ZNF385D: variants seen among roughly 807,000 people sequenced by gnomAD.
ZNF385D encodes the protein zinc finger protein 385D.
ZNF385D carries 15 observed loss-of-function variants against 35.8 expected under a neutral mutation model. The ratio of observed to expected loss-of-function variants is 0.42; its 90% CI spans 0.28 to 0.64. The LOEUF (loss-of-function observed/expected upper bound fraction) is 0.64. Among genes scored for constraint, ZNF385D ranks in the 30% least tolerant of loss-of-function variants. ZNF385D has a pLI of 0.23. For missense variants in ZNF385D, 474 were observed against 494.6 expected (o/e 0.96, Z 0.39); for synonymous variants, 212 against 186.8 (o/e 1.13, Z -1.10).
intron 2 of ZNF385D, among the ~76,000 whole-genome samples, chr3:21,616,117 T>TAAG (rs2064839331): frequency 6.6e-6 from 1 of 152,032 alleles, no homozygotes; most frequent in Non-Finnish European, 1.5e-5. Flanking sequence ...ACCTTCCCCT[T>TAAG]AAGATTAAAA....
intron 2 of ZNF385D, among the ~76,000 whole-genome samples, chr3:22,336,928 AAAAAAAAAAC>A (rs1389173206): frequency 1.4e-4 from 21 of 146,638 alleles, no homozygotes; most frequent in African/African-American, 5.0e-4. Flanking sequence ...AAAAAAAAAA[AAAAAAAAAAC>A]CCTTACTGTT....
intron 2 of ZNF385D, among the ~76,000 whole-genome samples, chr3:22,308,781 T>G (rs563609557): frequency 1.3e-5 from 2 of 152,242 alleles, no homozygotes; most frequent in East Asian, 3.9e-4. Context: ...AACAATGACT[T>G]ACACTAACAT....
intron 3 of ZNF385D, among the ~76,000 whole-genome samples, chr3:21,855,539 T>C (rs544752996): frequency 1.6e-4 from 24 of 152,136 alleles, no homozygotes; most frequent in Admixed American, 1.5e-3. Context: ...TTAGAATCAC[T>C]GCATTAATCA....
chr3:21,946,808 G>A (rs1431613732), intron 3 of ZNF385D, among the ~76,000 whole-genome samples: 1 of 152,136 alleles, frequency 6.6e-6, no homozygotes, highest in African/African-American at 2.4e-5. Context: ...CTCCAGCCTG[G>A]GTGATAGAGC....
chr3:22,022,105 G>C (rs1331293128), intron 3 of ZNF385D, among the ~76,000 whole-genome samples: 1 of 151,966 alleles, frequency 6.6e-6, no homozygotes, highest in Admixed American at 6.6e-5. Context: ...CAGATTGTTA[G>C]GAAACTTAAT....
At chr3:22,137,570 T>C (rs9823322) in intron 3 of ZNF385D, among the ~76,000 whole-genome samples, 124,860 of 152,074 alleles carry the variant, frequency 0.82, 52,205 homozygotes, top group South Asian at 0.93. Context: ...AAGACAAAAA[T>C]CACGATTATC....
chr3:21,992,752 G>A (rs1208588024), intron 3 of ZNF385D, among the ~76,000 whole-genome samples: 3 of 152,074 alleles, frequency 2.0e-5, no homozygotes, highest in Non-Finnish European at 2.9e-5. Context: ...CTAGTCTATG[G>A]CTGTTTCATA....
intron 2 of ZNF385D, among the ~76,000 whole-genome samples, chr3:22,178,037 T>A (rs935333616): frequency 3.3e-5 from 5 of 152,166 alleles, no homozygotes; most frequent in African/African-American, 4.8e-5. Flanking sequence ...TACTGCCGCA[T>A]TAAACATATG....
chr3:22,080,882 C>G (rs73047985), intron 3 of ZNF385D, among the ~76,000 whole-genome samples: 6 of 151,934 alleles, frequency 3.9e-5, no homozygotes, highest in Non-Finnish European at 8.8e-5. Flanking sequence ...CTATGAACCA[C>G]GAAACAGACA....
At chr3:21,746,888 G>A (rs2069796541) in intron 1 of ZNF385D, among the ~76,000 whole-genome samples, 1 of 152,152 alleles carries the variant, frequency 6.6e-6, no homozygotes, top group African/African-American at 2.4e-5. Flanking sequence ...AGGTGAACTT[G>A]ATGGTCCAGC....
intron 2 of ZNF385D, among the ~76,000 whole-genome samples, chr3:22,255,675 C>T (rs1352797460): frequency 6.6e-6 from 1 of 151,662 alleles, no homozygotes; most frequent in African/African-American, 2.4e-5. Context: ...AAAAAAAATG[C>T]TAGCATTATC....
intron 3 of ZNF385D, among the ~76,000 whole-genome samples, chr3:22,146,462 A>G (rs1490779077): frequency 6.6e-6 from 1 of 152,156 alleles, no homozygotes; most frequent in Non-Finnish European, 1.5e-5. Flanking sequence ...TGTGACTAGA[A>G]TAAATCAAAC....
intron 3 of ZNF385D, among the ~76,000 whole-genome samples, chr3:22,078,297 G>A (rs530225619): frequency 2.6e-5 from 4 of 152,048 alleles, no homozygotes; most frequent in East Asian, 1.9e-4. Flanking sequence ...CAAATTAAAC[G>A]CTTGAATGAC....
intron 2 of ZNF385D, among the ~76,000 whole-genome samples, chr3:22,189,128 T>A (rs1695847335): frequency 6.6e-6 from 1 of 152,164 alleles, no homozygotes; most frequent in Non-Finnish European, 1.5e-5. Context: ...ATTCTTGTCT[T>A]TTAGGGTTAA....
intron 2 of ZNF385D, among the ~76,000 whole-genome samples, chr3:22,208,563 A>G (rs1405633986): frequency 6.6e-6 from 1 of 151,748 alleles, no homozygotes; most frequent in Non-Finnish European, 1.5e-5. Flanking sequence ...AAATAAAAGT[A>G]TATAATTATA....
intron 2 of ZNF385D, among the ~76,000 whole-genome samples, chr3:22,283,097 A>C (rs561561860): frequency 6.6e-6 from 1 of 152,218 alleles, no homozygotes; most frequent in South Asian, 2.1e-4. Context: ...GAGGGACCTT[A>C]TATAAATGAT....
At chr3:21,814,105 C>T (rs960468013) in intron 3 of ZNF385D, among the ~76,000 whole-genome samples, 2 of 152,082 alleles carry the variant, frequency 1.3e-5, no homozygotes, top group Non-Finnish European at 2.9e-5. Context: ...AACTAAGCTT[C>T]ATAAGTGAAG....
intron 3 of ZNF385D, among the ~76,000 whole-genome samples, chr3:21,867,630 G>A (rs569518284): frequency 2.0e-5 from 3 of 152,124 alleles, no homozygotes; most frequent in African/African-American, 7.2e-5. Context: ...ATGTTGCCCT[G>A]GGAATACATA....
chr3:21,458,529 A>AAGGGG (rs1264487718), intron 4 of ZNF385D, among the ~76,000 whole-genome samples: 1 of 151,688 alleles, frequency 6.6e-6, no homozygotes, highest in Non-Finnish European at 1.5e-5. Flanking sequence ...GAAGAAAGGG[A>AAGGGG]AGGGGAGGGG....
Sources: gnomAD v4.1 joint callset for allele counts (sites outside exome capture counted in the v4.1 genomes callset) on GRCh38, gnomAD v4.1.1 for gene constraint, MANE v1.5 for transcripts, NCBI Gene and HGNC (gene_info 2026-07-23, HGNC 2026-07-21) for gene names.